Variants in MYH3 observed in about 807,000 individuals in gnomAD.
MYH3 encodes the protein myosin-3.
MYH3 carries 130 observed loss-of-function variants against 238.0 expected under a neutral mutation model. The ratio of observed to expected loss-of-function variants is 0.55; its 90% CI spans 0.47 to 0.63. MYH3 has a LOEUF of 0.63. MYH3 is among the 30% of genes least tolerant of loss of function. The pLI is 0.00. For synonymous variants in MYH3, 880 were observed against 924.1 expected, an observed-to-expected ratio of 0.95 and a Z score of 0.86; for missense variants, 1,853 against 2,374.9, an observed-to-expected ratio of 0.78 and a Z score of 4.57.
chr17:10,630,539 A>C (rs1483558283), intron 36 of MYH3, 81 bp from the exon 37 acceptor site: 1 of 1,589,642 alleles, frequency 6.3e-7, no homozygotes, highest in Admixed American at 1.7e-5. Flanking sequence ...ACCTCGGAGG[A>C]CCAGAGACCA....
rs367711644 is a variant in MYH3 at position 10,647,188 on chromosome 17, G to A, written c.892C>T (p.Leu298Phe). The change falls in exon 10 of 41, where the codon CTC (leucine) becomes TTC (phenylalanine). Residue 298 changes from leucine (L) to phenylalanine (F), a missense_variant. This residue lies in a region of MYH3 where 678 missense variants were observed against 1,058.9 expected (regional missense o/e 0.64). Coordinates refer to ENST00000583535, the MANE Select transcript of MYH3 (RefSeq NM_002470.4). Reference protein sequence around the residue: ...YQILSNKKPELIELLLITTNP... With the variant: ...YQILSNKKPEFIELLLITTNP... ...CCACTGGTGACTTCCTCACCTATGAGCTCAGGCTTCTTGTTAGAAAGAATC... is the reference window on the plus strand; with the variant it reads ...CCACTGGTGACTTCCTCACCTATGAACTCAGGCTTCTTGTTAGAAAGAATC... 81 of 1,613,434 alleles carry A rather than the reference G, an allele frequency of 5.0e-5. No individual in the cohort carries two copies. Among genetic ancestry groups the A allele is most frequent in the Middle Eastern group, 4.9e-4 (3 of 6,070 alleles).
At position 10,639,283 on chromosome 17, in the gene MYH3, G is replaced by A; in HGVS notation, c.3102+15C>T. ...CCTGGAGTTCTGGGACTCCCGATGA[G>A]CATTATTTACTTACGTCTTCCACTT... On this transcript the variant is annotated intron_variant, in intron 24 of 40. Transcript: ENST00000583535. 2.5e-6 allele frequency: 4 copies of A among 1,614,122 alleles called. No homozygotes were observed. The highest frequency in any genetic ancestry group is 3.4e-6 in the Non-Finnish European group (4 of 1,179,994).
At chr17:10,673,340 C>T in the MYH3 span, 5 of 141,844 alleles carry the variant, frequency 3.5e-5, no homozygotes, top group Admixed American at 1.5e-4. Flanking sequence ...ATAGGTATTC[C>T]GCAATGTTGA....
Position 10,635,552 on chromosome 17 carries a change from G to A in MYH3, c.3987C>T (p.Ala1329=), listed in dbSNP as rs2074206708. ...QLEEENKAKN[A]LAHALQSSRH... is the part of the protein sequence containing the mutation. Reference sequence around the variant, plus strand: ...GGGAGGACTGCAGGGCGTGCGCCAGGGCGTTCTTGGCCTGCAGAAGTTAAA... The same window carrying A: ...GGGAGGACTGCAGGGCGTGCGCCAGAGCGTTCTTGGCCTGCAGAAGTTAAA... Residue 1329 remains alanine, a synonymous_variant, in exon 30 of 41, where the codon GCC becomes GCT. Coordinates refer to ENST00000583535, the MANE Select transcript of MYH3 (RefSeq NM_002470.4). 2 of 1,614,118 alleles carry A rather than the reference G, an allele frequency of 1.2e-6. No individual in the cohort carries two copies. Among genetic ancestry groups the A allele is most frequent in the Non-Finnish European group, 1.7e-6 (2 of 1,180,052 alleles).
chr17:10,642,143 C>T lies in MYH3; in HGVS notation c.1959+97G>A, dbSNP rs2074278871. The T allele has an allele frequency of 5.3e-6, 6 of 1,131,440 alleles. No individual in the cohort carries two copies. Among genetic ancestry groups the T allele is most frequent in the Non-Finnish European group, 5.3e-6 (4 of 760,768 alleles). 70.1% of individuals were successfully genotyped at this position (1,131,440 alleles called of 1,614,324 possible). On this transcript the variant is annotated intron_variant, in intron 17 of 40. Coordinates refer to ENST00000583535, the MANE Select transcript of MYH3 (RefSeq NM_002470.4). The surrounding 1 kb of genome is among the most constrained non-coding windows in gnomAD (Gnocchi z 5.4). ...TGACAGTAATCAGATTAAGACAACACTACTACTCTCAAATAAATCAAGCTT... is the reference window on the plus strand; with the variant it reads ...TGACAGTAATCAGATTAAGACAACATTACTACTCTCAAATAAATCAAGCTT...
At position 10,638,038 on chromosome 17, in the gene MYH3, AGC is replaced by A; in HGVS notation, c.3729+3_3729+4del. 1 of 1,613,216 alleles carries A rather than the reference AGC, an allele frequency of 6.2e-7. No homozygotes were observed. The highest frequency in any genetic ancestry group is 8.5e-7 in the Non-Finnish European group (1 of 1,179,430). On this transcript the variant is annotated splice_donor_region_variant and intron_variant, in intron 27 of 40. Transcript: ENST00000583535. ...GCCTTGAGCCACCCCCACCCCGCGCAGCACCTTAGATTTCGACACACTCTCCA... is the reference window on the plus strand; with the variant it reads ...GCCTTGAGCCACCCCCACCCCGCGCAACCTTAGATTTCGACACACTCTCCA...
intron 6 of MYH3, among the ~76,000 whole-genome samples, 156 bp downstream of exon 6, chr17:10,650,218 C>T (rs540380095): frequency 1.1e-4 from 17 of 152,206 alleles, no homozygotes; most frequent in South Asian, 6.2e-4. Context: ...CCTCGTGATC[C>T]GCCCATCTCA....
In MYH3 at chr17:10,651,607, G is replaced by T; in HGVS notation, c.410C>A (p.Pro137His). Reference sequence around the variant, plus strand: ...GCCTCGGTAGCCTTCCACCACCTCGGGGTTGTACACCGGCAGCCACTTGTA... The same window carrying T: ...GCCTCGGTAGCCTTCCACCACCTCGTGGTTGTACACCGGCAGCCACTTGTA... ...NPYKWLPVYN[P>H]EVVEGYRGKK... Residue 137 changes from proline to histidine, a missense_variant, in exon 5 of 41, where the codon CCC becomes CAC. Pro to His is a moderately conservative substitution (Grantham distance 77). Transcript: ENST00000583535. 6 of 1,614,132 alleles carry T rather than the reference G, an allele frequency of 3.7e-6. No individual in the cohort carries two copies. Among genetic ancestry groups the T allele is most frequent in the Non-Finnish European group, 4.2e-6 (5 of 1,180,008 alleles).
intron 14 of MYH3, among the ~76,000 whole-genome samples, chr17:10,643,727 C>T (rs941795219): frequency 2.6e-5 from 4 of 152,176 alleles, no homozygotes; most frequent in African/African-American, 9.7e-5. Flanking sequence ...GAAAATAGTG[C>T]GTGATTAACT....
upstream of MYH3, among the ~76,000 whole-genome samples, chr17:10,662,267 CCG>C (rs1230735796): frequency 2.0e-5 from 3 of 152,154 alleles, no homozygotes; most frequent in Admixed American, 2.0e-4. Context: ...AATGATCCAC[CCG>C]CCTTGGCCTC....
In MYH3 at chr17:10,633,611, G is replaced by A. The variant is rs770275791; in HGVS notation, c.4627C>T (p.Leu1543=). 20 of 1,613,476 alleles carry A rather than the reference G, an allele frequency of 1.2e-5. No individual in the cohort carries two copies. The East Asian group carries it at 4.5e-4, about 36-fold the overall frequency. The change falls in exon 33 of 41, where the codon CTG becomes TTG. Residue 1543 remains leucine, a synonymous_variant. Transcript: ENST00000583535. ...QIELEKADIQ[L]ALEEAEAALE... Reference sequence around the variant, plus strand: ...CTCACCTCTGCTTCCTCGAGAGCCAGCTGGATATCAGCCTTTTCCAGCTCA... The same window carrying A: ...CTCACCTCTGCTTCCTCGAGAGCCAACTGGATATCAGCCTTTTCCAGCTCA...
At chr17:10,658,348 A>G (rs2074454670), upstream of MYH3, among the ~76,000 whole-genome samples, 1 of 152,098 alleles carries the variant, frequency 6.6e-6, no homozygotes, top group South Asian at 2.1e-4. Context: ...TGTTTCCCAT[A>G]GAAACCGCCC....
the MYH3 span, among the ~76,000 whole-genome samples, chr17:10,666,663 G>GA: frequency 6.6e-6 from 1 of 151,972 alleles, no homozygotes; most frequent in East Asian, 1.9e-4. Context: ...TTGGGAGGCT[G>GA]AGGGGGGAGG....
chr17:10,646,786 A>G (rs4792009), intron 10 of MYH3, among the ~76,000 whole-genome samples: 95,792 of 152,016 alleles, frequency 0.63, 32,078 homozygotes, highest in Non-Finnish European at 0.77. Context: ...AGTGGCTCAC[A>G]CCTATAATCC....
At chr17:10,668,742 C>G in the MYH3 span, among the ~76,000 whole-genome samples, 3 of 152,152 alleles carry the variant, frequency 2.0e-5, no homozygotes, top group South Asian at 4.1e-4. Flanking sequence ...ACACTGCAAA[C>G]AAGAAGAAAA....
At chr17:10,656,620 AG>A (rs11329500) in intron 1 of MYH3, among the ~76,000 whole-genome samples, 86,868 of 151,822 alleles carry the variant, frequency 0.57, 27,744 homozygotes, top group Non-Finnish European at 0.73. Flanking sequence ...CGTGACCCAC[AG>A]GAAGCCAGGC....
At chr17:10,632,405 C>T in intron 34 of MYH3, 71 bp downstream of exon 34, 1 of 1,543,322 alleles carries the variant, frequency 6.5e-7, no homozygotes, top group Non-Finnish European at 8.9e-7. Context: ...AGGCGTGCAC[C>T]ACTGTGCCCA....
chr17:10,661,358 T>C (rs541820210), upstream of MYH3, among the ~76,000 whole-genome samples: 1 of 150,794 alleles, frequency 6.6e-6, no homozygotes, highest in Non-Finnish European at 1.5e-5. Context: ...GAGAGTCTCT[T>C]GCTGCTTCAA....
chr17:10,635,602 A>G (rs748191062), intron 29 of MYH3, 39 bp from the exon 30 acceptor site: 477 of 1,614,074 alleles, frequency 3.0e-4, no homozygotes, highest in Non-Finnish European at 3.8e-4. Flanking sequence ...TGATATATTT[A>G]GTGCCAGGTG....
Sources: allele counts gnomAD v4.1 joint callset (sites outside exome capture counted in the v4.1 genomes callset), GRCh38; gene constraint gnomAD v4.1.1; regional missense constraint gnomAD v4.1.1; non-coding constraint Gnocchi (gnomAD v3.1); transcripts MANE v1.5; gene names NCBI Gene and HGNC (gene_info 2026-07-23, HGNC 2026-07-21).